Variants in FAM13B observed in about 807,000 individuals in gnomAD.
FAM13B encodes the protein protein FAM13B.
A neutral mutation model predicts 117.3 loss-of-function variants in FAM13B; 60 were observed. That is an observed-to-expected ratio of 0.51 (90% CI 0.42 to 0.63). The LOEUF (loss-of-function observed/expected upper bound fraction) is 0.63. Ranked by LOEUF, FAM13B falls within the 30% of genes least tolerant of loss-of-function variation. FAM13B has a pLI of 0.00. For synonymous variants in FAM13B, 332 were observed against 356.1 expected (o/e 0.93, Z 0.76); for missense variants, 972 against 1,091.9 (o/e 0.89, Z 1.55).
At chr5:138,010,629 A>G (rs1783733226) in intron 6 of FAM13B, among the ~76,000 whole-genome samples, 1 of 152,160 alleles carries the variant, frequency 6.6e-6, no homozygotes, top group Non-Finnish European at 1.5e-5. Context: ...CAAATTTTTA[A>G]AAATGTGTAC....
At chr5:138,017,349 T>C (rs766442042) in intron 4 of FAM13B, among the ~76,000 whole-genome samples, 11 of 152,144 alleles carry the variant, frequency 7.2e-5, no homozygotes, top group Non-Finnish European at 1.6e-4. Flanking sequence ...AAATATACCT[T>C]CTCTGACAAC....
chr5:138,032,738 C>CA, intron 1 of FAM13B, 44 bp downstream of exon 1: 1 of 985,718 alleles, frequency 1.0e-6, no homozygotes, highest in Non-Finnish European at 1.2e-6. Flanking sequence ...CGGCGACCTG[C>CA]AACCCGCGCA....
intron 4 of FAM13B, among the ~76,000 whole-genome samples, chr5:138,013,866 T>C (rs561203212): frequency 4.2e-4 from 64 of 152,332 alleles, no homozygotes; most frequent in African/African-American, 1.4e-3. Context: ...CTAGCATACC[T>C]ATCCATATGT....
Position 138,011,940 on chromosome 5 carries a change from T to G in FAM13B, c.376A>C (p.Asn126His), listed in dbSNP as rs766870944. The change falls in exon 5 of 24, where the codon AAT becomes CAT. Residue 126 changes from asparagine (N) to histidine (H), a missense_variant. By Grantham distance (68) the Asn-to-His change is moderately conservative. Coordinates refer to ENST00000689681, the MANE Select transcript of FAM13B (RefSeq NM_001385994.1). ...IHLMQLSQDY[N>H]NEDEFGRKLR... is the part of the protein sequence containing the mutation. ...TTTCTTCCAAATTCATCTTCATTAT[T>G]ATAATCTATAAAACAATAATAACAG... is the stretch of plus-strand genomic sequence containing the variant. 2 of 1,575,312 alleles carry G rather than the reference T, an allele frequency of 1.3e-6. No individual in the cohort carries two copies. Among genetic ancestry groups the G allele is most frequent in the Non-Finnish European group, 1.7e-6 (2 of 1,164,184 alleles).
chr5:137,985,006 T>C (rs962983786), intron 10 of FAM13B, among the ~76,000 whole-genome samples: 1 of 152,076 alleles, frequency 6.6e-6, no homozygotes, highest in Non-Finnish European at 1.5e-5. Flanking sequence ...CCTGACCTCA[T>C]GATCTGCCCG....
intron 7 of FAM13B, 103 bp from the exon 8 acceptor site, chr5:137,988,418 G>C: frequency 1.3e-6 from 1 of 786,378 alleles, no homozygotes; most frequent in East Asian, 3.0e-5. Context: ...ACAACCAGGA[G>C]AGCACATACT....
chr5:137,984,500 A>G (rs1373028837), intron 10 of FAM13B, among the ~76,000 whole-genome samples: 1 of 152,094 alleles, frequency 6.6e-6, no homozygotes, highest in Non-Finnish European at 1.5e-5. Flanking sequence ...AGATTTACTC[A>G]CTTCCCCCGA....
At chr5:138,030,077 T>C (rs868627992) in intron 1 of FAM13B, among the ~76,000 whole-genome samples, 31 of 152,216 alleles carry the variant, frequency 2.0e-4, no homozygotes, top group Middle Eastern at 3.2e-3. Flanking sequence ...CTAGGTCTTT[T>C]ATACTTGCTA....
Position 137,938,597 on chromosome 5 carries a change from G to A in FAM13B, c.*1628C>T, listed in dbSNP as rs1337553676. On this transcript the variant is annotated 3_prime_UTR_variant, in exon 24 of 24. Coordinates refer to ENST00000689681, the MANE Select transcript of FAM13B (RefSeq NM_001385994.1). Reference sequence around the variant, plus strand: ...AACCACACAAAAAGGGCAGGATTTAGTGCTTTTCTTTATTCCCCAACTACA... The same window carrying A: ...AACCACACAAAAAGGGCAGGATTTAATGCTTTTCTTTATTCCCCAACTACA... 2 of 152,530 alleles carry A rather than the reference G, an allele frequency of 1.3e-5. No homozygotes were observed. Among genetic ancestry groups the A allele is most frequent in the African/African-American group, 4.8e-5 (2 of 41,412 alleles). 9.4% of individuals were successfully genotyped at this position (152,530 alleles called of 1,614,324 possible).
chr5:138,019,479 A>T (rs557938505), intron 2 of FAM13B, among the ~76,000 whole-genome samples: 4 of 152,354 alleles, frequency 2.6e-5, no homozygotes, highest in African/African-American at 9.6e-5. Flanking sequence ...TTTACTGAAC[A>T]AGCTTATTAA....
chr5:138,034,995 C>CTTTTTTTTTTTTTTTTTTTTTTTT (rs557807234), upstream of FAM13B, among the ~76,000 whole-genome samples: 48 of 34,376 alleles, frequency 1.4e-3, 15 homozygotes, highest in East Asian at 2.9e-3. Context: ...ATTCCCTTGC[C>CTTTTTTTTTTTTTTTTTTTTTTTT]TTTTTTTTTT....
intron 10 of FAM13B, among the ~76,000 whole-genome samples, chr5:137,965,733 T>G (rs919343824): frequency 1.3e-5 from 2 of 152,214 alleles, no homozygotes; most frequent in South Asian, 2.1e-4. Flanking sequence ...ACACGTCAAA[T>G]TTATAGCCTT....
At chr5:138,001,224 G>T (rs557711633) in intron 7 of FAM13B, among the ~76,000 whole-genome samples, 1 of 152,206 alleles carries the variant, frequency 6.6e-6, no homozygotes, top group South Asian at 2.1e-4. Flanking sequence ...TACAAAGCAG[G>T]CTACCTAATA....
intron 10 of FAM13B, among the ~76,000 whole-genome samples, chr5:137,969,867 A>G (rs1581128256): frequency 6.6e-6 from 1 of 152,208 alleles, no homozygotes; most frequent in African/African-American, 2.4e-5. Context: ...TCAGTGATGG[A>G]AGATCAAATG....
rs181665708 is a variant in FAM13B at position 138,043,681 on chromosome 5, G to A, written c.-203+8197C>T. Reference sequence around the variant, plus strand: ...TCTCGAACTCCTGACCTCATGATCCGCCTGCCTCGGCCTCCCAAAGTGCTG... The same window carrying A: ...TCTCGAACTCCTGACCTCATGATCCACCTGCCTCGGCCTCCCAAAGTGCTG... On this transcript the variant is annotated intron_variant, in intron 1 of 3. Coordinates refer to the FAM13B transcript ENST00000502471. Among the ~76,000 whole-genome samples, 137 of 151,696 alleles carry A rather than the reference G, an allele frequency of 9.0e-4. 1 individual carries two copies. The highest frequency in any genetic ancestry group is 1.4e-3 in the Non-Finnish European group (93 of 67,910).
chr5:138,025,332 T>TTGAGTTGAGGTC (rs1788079513), intron 1 of FAM13B, among the ~76,000 whole-genome samples: 2 of 145,084 alleles, frequency 1.4e-5, no homozygotes, highest in South Asian at 2.2e-4. Context: ...TTTTTTTTTT[T>TTGAGTTGAGGTC]TGAGTTGAGG....
intron 22 of FAM13B, chr5:137,942,608 C>CT: frequency 2.6e-6 from 1 of 377,518 alleles, no homozygotes; most frequent in East Asian, 5.7e-5. Context: ...AGGGATCCTC[C>CT]TGCCTCAGCT....
In FAM13B at chr5:137,942,957, C is replaced by T; in HGVS notation, c.2506G>A (p.Glu836Lys). The T allele has an allele frequency of 6.2e-7, 1 of 1,613,732 alleles. No homozygotes were observed. Among genetic ancestry groups the T allele is most frequent in the Non-Finnish European group, 8.5e-7 (1 of 1,179,870 alleles). Residue 836 changes from glutamate (E) to lysine (K), a missense_variant, in exon 22 of 24, where the codon GAA (glutamate) becomes AAA (lysine). Physicochemically the swap from Glu to Lys is moderately conservative, Grantham distance 56. Transcript: ENST00000689681. ...TCTTCAACATCAGATTCAGAGTTTT[C>T]TAATGAAGACTGTACCTGTACTGCA... is the stretch of plus-strand genomic sequence containing the variant. ...KTAVQVQSSL[E>K]NSESDVEENQ...
chr5:137,999,433 A>C (rs370446348), intron 7 of FAM13B, among the ~76,000 whole-genome samples: 9 of 152,022 alleles, frequency 5.9e-5, no homozygotes, highest in African/African-American at 2.2e-4. Flanking sequence ...AAAATTAGCC[A>C]GGTGTGGTGG....
Sources: allele counts gnomAD v4.1 joint callset (sites outside exome capture counted in the v4.1 genomes callset), GRCh38; gene constraint gnomAD v4.1.1; transcripts MANE v1.5; gene names NCBI Gene and HGNC (gene_info 2026-07-23, HGNC 2026-07-21).